Variants in DSCAML1 observed in about 807,000 individuals in gnomAD.
DSCAML1 encodes the protein cell adhesion molecule DSCAML1.
DSCAML1 carries 38 observed loss-of-function variants against 200.5 expected under a neutral mutation model. The ratio of observed to expected loss-of-function variants is 0.19; its 90% CI spans 0.15 to 0.25. The LOEUF is 0.25. Among genes scored for constraint, DSCAML1 ranks in the 10% least tolerant of loss-of-function variants. The pLI is 1.00. For synonymous variants in DSCAML1, 1,215 were observed against 1,165.0 expected (o/e 1.04, Z -0.87); for missense variants, 2,223 against 2,858.8 (o/e 0.78, Z 5.07).
chr11:117,537,276 C>G (rs2050188493), intron 3 of DSCAML1, among the ~76,000 whole-genome samples: 1 of 152,250 alleles, frequency 6.6e-6, no homozygotes, highest in Admixed American at 6.5e-5. Context: ...AGGTCTTGGT[C>G]TGGGCACCAT....
chr11:117,476,490 C>T (rs1000507896), intron 14 of DSCAML1, among the ~76,000 whole-genome samples: 1 of 152,210 alleles, frequency 6.6e-6, no homozygotes, highest in East Asian at 1.9e-4. Flanking sequence ...CACTCCAGCT[C>T]CCACAGAACA....
rs1289927759 is a variant in DSCAML1 at position 117,516,058 on chromosome 11, G to C, written c.1783+409C>G. 6.6e-6 allele frequency among the ~76,000 whole-genome samples: 1 copy of C among 152,162 alleles called. No individual in the cohort carries two copies. The highest frequency in any genetic ancestry group is 1.9e-4 in the East Asian group (1 of 5,182). On this transcript the variant is annotated intron_variant, in intron 8 of 32. Coordinates refer to ENST00000651296, the MANE Select transcript of DSCAML1 (RefSeq NM_020693.4). This position sits in a 1 kb window ranked among gnomAD's most constrained non-coding sequence, Gnocchi z 5.7. Reference sequence around the variant, plus strand: ...GGGGTCAGGGCTCCCAGCGTGCTCTGTCAACCCTGGCCTCCTGTTGCTTGT... The same window carrying C: ...GGGGTCAGGGCTCCCAGCGTGCTCTCTCAACCCTGGCCTCCTGTTGCTTGT...
chr11:117,428,931 G>C (rs556916948), intron 32 of DSCAML1, 128 bp from the exon 33 acceptor site: 1 of 802,700 alleles, frequency 1.2e-6, no homozygotes, highest in Admixed American at 2.8e-5. Flanking sequence ...TCCACTGGGG[G>C]GCAATAAAGA....
chr11:117,576,720 C>T (rs547435837), intron 3 of DSCAML1, among the ~76,000 whole-genome samples: 2 of 152,306 alleles, frequency 1.3e-5, no homozygotes, highest in African/African-American at 4.8e-5. Context: ...ACCCAAAACC[C>T]TTCTAGCTTT....
At chr11:117,487,003 C>CA (rs2137236973) in intron 11 of DSCAML1, among the ~76,000 whole-genome samples, 1 of 136,466 alleles carries the variant, frequency 7.3e-6, no homozygotes, top group Admixed American at 8.2e-5. Context: ...TGGCTCACTG[C>CA]AACCTCCGCC....
At chr11:117,485,322 A>G (rs1219635280) in intron 11 of DSCAML1, among the ~76,000 whole-genome samples, 1 of 152,182 alleles carries the variant, frequency 6.6e-6, no homozygotes, top group Non-Finnish European at 1.5e-5. Flanking sequence ...TGTGTGTGGT[A>G]ACAACCATAC....
intron 3 of DSCAML1, among the ~76,000 whole-genome samples, chr11:117,580,131 A>C (rs1415240155): frequency 6.6e-6 from 1 of 152,190 alleles, no homozygotes; most frequent in Non-Finnish European, 1.5e-5. Context: ...TGGTCTTCTC[A>C]TGGAACAAGG....
intron 16 of DSCAML1, among the ~76,000 whole-genome samples, chr11:117,466,916 C>T (rs574973234): frequency 6.6e-6 from 1 of 152,326 alleles, no homozygotes; most frequent in African/African-American, 2.4e-5. Flanking sequence ...CTGGGTGCAG[C>T]CCCTCTGGGA....
chr11:117,501,273 G>A (rs557398693), intron 11 of DSCAML1, among the ~76,000 whole-genome samples: 4 of 152,270 alleles, frequency 2.6e-5, no homozygotes, highest in South Asian at 4.2e-4. Context: ...CACCTGCCTC[G>A]AAGCAGCAGG....
At position 117,780,290 on chromosome 11, in the gene DSCAML1, A is replaced by AAGAAAGAAAGAC. The variant is rs1555032771; in HGVS notation, c.364+202_364+203insGTCTTTCTTTCT. On this transcript the variant is annotated intron_variant, in intron 2 of 32. Transcript: ENST00000651296. The surrounding 1 kb of genome is among the most constrained non-coding windows in gnomAD (Gnocchi z 4.8). Reference sequence around the variant, plus strand: ...AAAGAAAGAAAGAAAGAAAGAAAGAAAGAAAGAAAGAAAGAGAGAAAGGAG... The same window carrying AAGAAAGAAAGAC: ...AAAGAAAGAAAGAAAGAAAGAAAGAAAGAAAGAAAGACAGAAAGAAAGAAAGAGAGAAAGGAG... 0.049 allele frequency among the ~76,000 whole-genome samples: 4,872 copies of AAGAAAGAAAGAC among 100,164 alleles called. 200 individuals carry two copies. The highest frequency in any genetic ancestry group is 0.068 in the South Asian group (187 of 2,768). 65.7% of individuals were successfully genotyped at this position (100,164 alleles called of 152,430 possible).
At chr11:117,547,731 C>T (rs1158737290) in intron 3 of DSCAML1, among the ~76,000 whole-genome samples, 2 of 152,202 alleles carry the variant, frequency 1.3e-5, no homozygotes, top group Non-Finnish European at 2.9e-5. Flanking sequence ...AATTCATTCT[C>T]ACTATAGCCA....
chr11:117,738,301 C>T (rs1019891686), intron 3 of DSCAML1, among the ~76,000 whole-genome samples: 1 of 152,126 alleles, frequency 6.6e-6, no homozygotes, highest in African/African-American at 2.4e-5. Context: ...CAGTTTTCCA[C>T]ACAAAATGAA....
chr11:117,816,510 C>T (rs779513229), intron 1 of DSCAML1, among the ~76,000 whole-genome samples: 3 of 152,238 alleles, frequency 2.0e-5, no homozygotes, highest in Non-Finnish European at 2.9e-5. Context: ...CAGTTCAGAG[C>T]TCAGCTGCCT....
Position 117,605,190 on chromosome 11 carries a change from G to A in DSCAML1, c.512-72668C>T, listed in dbSNP as rs1456561325. On this transcript the variant is annotated intron_variant, in intron 3 of 32. Coordinates refer to ENST00000651296, the MANE Select transcript of DSCAML1 (RefSeq NM_020693.4). ...ACTACAGGTGCACGCCACCATGCCC[G>A]GCTGCTCCCGGGTTTTAGATCAGCA... 3.9e-5 allele frequency among the ~76,000 whole-genome samples: 6 copies of A among 152,040 alleles called. No homozygotes were observed. In the East Asian group the frequency reaches 7.7e-4, roughly 20 times the overall value.
intron 3 of DSCAML1, among the ~76,000 whole-genome samples, chr11:117,542,356 A>AACAAC (rs1565777354): frequency 1.5e-4 from 22 of 148,834 alleles, no homozygotes; most frequent in South Asian, 8.6e-4. Context: ...ACAACAACAA[A>AACAAC]AAAAAAACAG....
chr11:117,797,395 C>A, upstream of DSCAML1: 2 of 691,512 alleles, frequency 2.9e-6, no homozygotes, highest in South Asian at 4.0e-5. Flanking sequence ...CGGGCCAGAC[C>A]GCCCCGACCC....
chr11:117,651,150 G>T (rs1020607431), intron 3 of DSCAML1, among the ~76,000 whole-genome samples: 10 of 152,268 alleles, frequency 6.6e-5, no homozygotes, highest in Non-Finnish European at 1.2e-4. Flanking sequence ...AGGGCGCTTT[G>T]CTCTTACAGC....
At chr11:117,537,932 T>C (rs1459832380) in intron 3 of DSCAML1, among the ~76,000 whole-genome samples, 1 of 152,144 alleles carries the variant, frequency 6.6e-6, no homozygotes, top group African/African-American at 2.4e-5. Flanking sequence ...GCCACCCAGT[T>C]TGCAGTGATT....
At chr11:117,493,767 A>AT (rs2049236458) in intron 11 of DSCAML1, among the ~76,000 whole-genome samples, 1 of 152,170 alleles carries the variant, frequency 6.6e-6, no homozygotes, top group Non-Finnish European at 1.5e-5. Context: ...AGCTGGGACT[A>AT]TAGGTGTGTG....
Sources: allele counts gnomAD v4.1 joint callset (sites outside exome capture counted in the v4.1 genomes callset), GRCh38; gene constraint gnomAD v4.1.1; non-coding constraint Gnocchi (gnomAD v3.1); transcripts MANE v1.5; gene names NCBI Gene and HGNC (gene_info 2026-07-23, HGNC 2026-07-21).